Variants in STK39 observed in about 807,000 individuals in gnomAD.
The protein encoded by STK39 is serine/threonine kinase 39.
A neutral mutation model predicts 77.8 loss-of-function variants in STK39; 20 were observed. The observed-to-expected ratio is 0.26, with a 90% CI of 0.18 to 0.37. The LOEUF is 0.37. STK39 is among the 10% of genes least tolerant of loss of function. STK39 has a pLI of 1.00. For missense variants in STK39, 479 were observed against 656.5 expected (o/e 0.73, Z 2.95); for synonymous variants, 246 against 234.1 (o/e 1.05, Z -0.47).
At chr2:168,139,254 AAG>A (rs1687915125) in intron 7 of STK39, among the ~76,000 whole-genome samples, 3 of 152,144 alleles carry the variant, frequency 2.0e-5, no homozygotes, top group Admixed American at 1.3e-4. Context: ...AACTGAATAA[AAG>A]AAAAAATCCT....
intron 1 of STK39, among the ~76,000 whole-genome samples, chr2:168,245,770 T>G (rs75487497): frequency 6.6e-6 from 1 of 152,156 alleles, no homozygotes; most frequent in African/African-American, 2.4e-5. Context: ...ATTCCAGGCT[T>G]TGAGAAGCCC....
chr2:168,178,883 T>C (rs1689015138), intron 2 of STK39, among the ~76,000 whole-genome samples: 1 of 152,134 alleles, frequency 6.6e-6, no homozygotes, highest in South Asian at 2.1e-4. Flanking sequence ...CTAAAACTGT[T>C]GTGTGCCATC....
intron 16 of STK39, among the ~76,000 whole-genome samples, chr2:167,965,087 G>A (rs2105532845): frequency 6.6e-6 from 1 of 151,394 alleles, no homozygotes; most frequent in East Asian, 1.9e-4. Flanking sequence ...TTAGCCAGGA[G>A]AGGGCAGTAC....
chr2:168,086,800 A>C (rs954837874), intron 10 of STK39, among the ~76,000 whole-genome samples: 1 of 152,218 alleles, frequency 6.6e-6, no homozygotes, highest in Admixed American at 6.5e-5. Flanking sequence ...CAATGTCTTG[A>C]AAGAGAATGT....
At chr2:168,004,202 CTG>C (rs1208381961) in intron 16 of STK39, among the ~76,000 whole-genome samples, 2 of 152,198 alleles carry the variant, frequency 1.3e-5, no homozygotes, top group African/African-American at 4.8e-5. Context: ...TTAATCAAAA[CTG>C]TAACTACTCA....
At position 168,077,888 on chromosome 2, in the gene STK39, G is replaced by T. The variant is rs1252326428; in HGVS notation, c.1090-2657C>A. On this transcript the variant is annotated intron_variant, in intron 10 of 17. Transcript: ENST00000355999. Reference sequence around the variant, plus strand: ...TTATTCGGGAATTGAATAATACCTTGCAAAGTTAAAACTTCAAAAAAAAAA... The same window carrying T: ...TTATTCGGGAATTGAATAATACCTTTCAAAGTTAAAACTTCAAAAAAAAAA... 3.5e-5 allele frequency among the ~76,000 whole-genome samples: 5 copies of T among 142,094 alleles called. No homozygotes were observed. In the East Asian group the frequency reaches 1.0e-3, roughly 29 times the overall value. The allele number at this position is 142,094 out of a possible 152,430, so 93.2% of individuals were successfully genotyped here.
At chr2:168,237,547 T>C (rs938364919) in intron 1 of STK39, among the ~76,000 whole-genome samples, 1 of 152,160 alleles carries the variant, frequency 6.6e-6, no homozygotes, top group Non-Finnish European at 1.5e-5. Context: ...ATGCTTCCAG[T>C]TTTTGCCCAT....
intron 10 of STK39, among the ~76,000 whole-genome samples, chr2:168,075,604 G>C (rs957907724): frequency 6.6e-6 from 1 of 151,616 alleles, no homozygotes; most frequent in Non-Finnish European, 1.5e-5. Flanking sequence ...CTAAGGAAGC[G>C]CATGCAAGCA....
At position 168,158,496 on chromosome 2, in the gene STK39, G is replaced by A. The variant is rs1688491044; in HGVS notation, c.628+3291C>T. On this transcript the variant is annotated intron_variant, in intron 5 of 17. Transcript: ENST00000355999. ...TGCTGAATATGTTCCCTGGCCCAAA[G>A]GGGAATCGATTTATGCAGAGACACA... Among the ~76,000 whole-genome samples, 3 of 152,182 alleles carry A rather than the reference G, an allele frequency of 2.0e-5. No homozygotes were observed. In the South Asian group the frequency reaches 6.2e-4, roughly 32 times the overall value.
At chr2:167,980,753 G>GTT (rs35891195) in intron 16 of STK39, among the ~76,000 whole-genome samples, 2 of 141,930 alleles carry the variant, frequency 1.4e-5, no homozygotes, top group Non-Finnish European at 1.5e-5. Context: ...TCTTGTTGTT[G>GTT]TTTTTTTTTT....
In STK39 at chr2:167,954,327, T is replaced by A. The variant is rs1018964583; in HGVS notation, c.*1169A>T. The A allele has an allele frequency of 6.6e-6, 1 of 152,554 alleles. No individual in the cohort carries two copies. Among genetic ancestry groups the A allele is most frequent in the Admixed American group, 6.5e-5 (1 of 15,278 alleles). 9.5% of individuals were successfully genotyped at this position (152,554 alleles called of 1,614,324 possible). A position where few individuals can be genotyped will look rare whatever the true frequency, so the allele number is the denominator to read the frequency against. On this transcript the variant is annotated 3_prime_UTR_variant, in exon 18 of 18. Transcript: ENST00000355999. ...TTTCAAAATCCTAAGGTTTACTAGT[T>A]CCATAATATACAGTCAAGCAGAGGG... is the stretch of plus-strand genomic sequence containing the variant.
chr2:168,087,064 T>C (rs151159824), intron 10 of STK39, among the ~76,000 whole-genome samples: 16 of 152,296 alleles, frequency 1.1e-4, no homozygotes, highest in Non-Finnish European at 1.5e-4. Context: ...AAGAGAACGA[T>C]AGGAACACTC....
At chr2:168,232,249 C>A (rs958420400) in intron 1 of STK39, 1 of 159,754 alleles carries the variant, frequency 6.3e-6, no homozygotes, top group Non-Finnish European at 1.4e-5. Flanking sequence ...TAAAATGTAG[C>A]TATAAAGTAA....
chr2:168,114,624 CA>C (rs1687211152), intron 10 of STK39, among the ~76,000 whole-genome samples: 1 of 151,994 alleles, frequency 6.6e-6, no homozygotes, highest in African/African-American at 2.4e-5. Flanking sequence ...AAAAACAATG[CA>C]ATGGTTCAGG....
intron 16 of STK39, among the ~76,000 whole-genome samples, chr2:168,001,677 AG>A (rs1269900456): frequency 1.3e-5 from 2 of 152,186 alleles, no homozygotes; most frequent in Non-Finnish European, 2.9e-5. Context: ...TGAGCAAACA[AG>A]GAGCGGTATT....
intron 16 of STK39, among the ~76,000 whole-genome samples, chr2:167,998,829 C>A (rs1683919092): frequency 6.6e-6 from 1 of 152,214 alleles, no homozygotes; most frequent in Non-Finnish European, 1.5e-5. Context: ...TCAAGTCCTC[C>A]AGGATGATTT....
chr2:167,976,481 C>T (rs1403536540), intron 16 of STK39, among the ~76,000 whole-genome samples: 1 of 152,092 alleles, frequency 6.6e-6, no homozygotes, highest in African/African-American at 2.4e-5. Flanking sequence ...AATGAGAGAC[C>T]ACCAGGCTAG....
At chr2:168,059,201 A>C (rs1164302132) in intron 14 of STK39, among the ~76,000 whole-genome samples, 1 of 152,204 alleles carries the variant, frequency 6.6e-6, no homozygotes, top group Non-Finnish European at 1.5e-5. Flanking sequence ...CAGAATTCTA[A>C]GATGACCCCA....
intron 14 of STK39, among the ~76,000 whole-genome samples, chr2:168,047,355 G>T (rs1437358244): frequency 2.0e-5 from 3 of 152,310 alleles, no homozygotes; most frequent in African/African-American, 7.2e-5. Flanking sequence ...TGCTTTAGAG[G>T]CCTAATAATT....
Sources: allele counts gnomAD v4.1 joint callset (sites outside exome capture counted in the v4.1 genomes callset), GRCh38; gene constraint gnomAD v4.1.1; transcripts MANE v1.5; gene names NCBI Gene and HGNC (gene_info 2026-07-23, HGNC 2026-07-21).